CNTNAP5: variants seen among roughly 807,000 people sequenced by gnomAD.
The protein encoded by CNTNAP5 is contactin associated protein family member 5.
CNTNAP5 carries 72 observed loss-of-function variants against 150.2 expected under a neutral mutation model. The observed-to-expected ratio is 0.48, with a 90% CI of 0.40 to 0.58. The LOEUF (loss-of-function observed/expected upper bound fraction) is 0.58. CNTNAP5 is among the 20% of genes least tolerant of loss of function. The pLI, the probability that CNTNAP5 is intolerant of heterozygous loss-of-function variation, is 0.00. For synonymous variants in CNTNAP5, 672 were observed against 619.8 expected, an observed-to-expected ratio of 1.08 and a Z score of -1.25; for missense variants, 1,636 against 1,626.2, an observed-to-expected ratio of 1.01 and a Z score of -0.10.
intron 13 of CNTNAP5, among the ~76,000 whole-genome samples, chr2:124,734,920 A>T (rs1002641333): frequency 6.6e-6 from 1 of 152,202 alleles, no homozygotes; most frequent in Non-Finnish European, 1.5e-5. Flanking sequence ...TCTAAAATTT[A>T]GGTGTGTAAA....
chr2:124,440,602 G>C (rs1692649518), intron 5 of CNTNAP5, among the ~76,000 whole-genome samples: 1 of 152,106 alleles, frequency 6.6e-6, no homozygotes, highest in Non-Finnish European at 1.5e-5. Context: ...GGGGTGGAGG[G>C]AGGAGAATAA....
intron 1 of CNTNAP5, among the ~76,000 whole-genome samples, chr2:124,132,071 T>A (rs1393224709): frequency 6.6e-6 from 1 of 152,140 alleles, no homozygotes; most frequent in Non-Finnish European, 1.5e-5. Flanking sequence ...ATAAAGGATT[T>A]CACAGGCAGG....
intron 11 of CNTNAP5, among the ~76,000 whole-genome samples, chr2:124,571,527 C>CTTTTTTTT (rs1214169811): frequency 0.13 from 5,877 of 46,876 alleles, 1,158 homozygotes; most frequent in South Asian, 0.23. Flanking sequence ...TTTCTTTTTT[C>CTTTTTTTT]TTTTTTTTTT....
chr2:124,587,871 A>T (rs1696573324), intron 11 of CNTNAP5, among the ~76,000 whole-genome samples: 1 of 152,316 alleles, frequency 6.6e-6, no homozygotes, highest in African/African-American at 2.4e-5. Flanking sequence ...AAAAAAAAGT[A>T]AGATTACTAG....
intron 19 of CNTNAP5, among the ~76,000 whole-genome samples, chr2:124,826,032 T>A (rs925577966): frequency 2.0e-5 from 3 of 152,220 alleles, no homozygotes; most frequent in African/African-American, 7.2e-5. Context: ...CATTTTAGTA[T>A]GCTCTGTTTT....
intron 13 of CNTNAP5, among the ~76,000 whole-genome samples, chr2:124,702,309 TGAA>T (rs1285304313): frequency 7.0e-6 from 1 of 142,610 alleles, no homozygotes; most frequent in African/African-American, 2.6e-5. Flanking sequence ...TCATTTAAAA[TGAA>T]GAATTATGAT....
intron 19 of CNTNAP5, among the ~76,000 whole-genome samples, chr2:124,859,187 A>G (rs942417345): frequency 7.9e-5 from 12 of 152,310 alleles, no homozygotes; most frequent in Admixed American, 2.6e-4. Context: ...TCCAGAATCT[A>G]CAATGAACTC....
chr2:124,550,001 A>C (rs1695593955), intron 10 of CNTNAP5, among the ~76,000 whole-genome samples: 2 of 152,198 alleles, frequency 1.3e-5, no homozygotes, highest in Non-Finnish European at 2.9e-5. Flanking sequence ...ATAATACATG[A>C]CAGTGCAGTG....
At chr2:124,390,831 A>C (rs78117920) in intron 3 of CNTNAP5, among the ~76,000 whole-genome samples, 5,319 of 152,340 alleles carry the variant, frequency 0.035, 149 homozygotes, top group Non-Finnish European at 0.057. Flanking sequence ...TATAAAAACC[A>C]GGCTCAACAA....
chr2:124,142,619 C>A (rs1227336654), intron 1 of CNTNAP5, among the ~76,000 whole-genome samples: 1 of 135,500 alleles, frequency 7.4e-6, no homozygotes, highest in Non-Finnish European at 1.6e-5. Flanking sequence ...ATACCAGAAT[C>A]TCTGGGACGC....
At chr2:124,751,608 C>G (rs991571656) in intron 14 of CNTNAP5, among the ~76,000 whole-genome samples, 8 of 152,236 alleles carry the variant, frequency 5.3e-5, no homozygotes, top group African/African-American at 1.7e-4. Flanking sequence ...TGACAACTGA[C>G]TTTCCACACG....
intron 3 of CNTNAP5, among the ~76,000 whole-genome samples, chr2:124,408,004 G>A (rs1691622833): frequency 6.6e-6 from 1 of 152,200 alleles, no homozygotes; most frequent in South Asian, 2.1e-4. Context: ...GCCAGACAGT[G>A]GGCGCAGGTC....
chr2:124,716,072 A>G (rs1184569623), intron 13 of CNTNAP5, among the ~76,000 whole-genome samples: 2 of 152,100 alleles, frequency 1.3e-5, no homozygotes, highest in African/African-American at 4.8e-5. Flanking sequence ...TTACTTTTTT[A>G]TTTCTTAACT....
intron 1 of CNTNAP5, among the ~76,000 whole-genome samples, chr2:124,149,453 G>A (rs1238398754): frequency 7.0e-6 from 1 of 143,492 alleles, no homozygotes; most frequent in Non-Finnish European, 1.5e-5. Context: ...TTCATTCTGA[G>A]ATCAGTTGAA....
chr2:124,114,988 A>G (rs1683390061), intron 1 of CNTNAP5, among the ~76,000 whole-genome samples: 1 of 151,954 alleles, frequency 6.6e-6, no homozygotes, highest in African/African-American at 2.4e-5. Context: ...TAATTACTGT[A>G]TTTAGCTCTA....
chr2:124,694,616 G>A (rs1679367214), intron 13 of CNTNAP5, among the ~76,000 whole-genome samples: 1 of 152,030 alleles, frequency 6.6e-6, no homozygotes, highest in Non-Finnish European at 1.5e-5. Context: ...TAATAACAAG[G>A]TCTCCAAAAA....
In CNTNAP5 at chr2:124,510,273, C is replaced by CTATATCTATATATATATCTA. The variant is rs1553474633; in HGVS notation, c.1327+5728_1327+5729insATATATCTATATATCTATAT. Among the ~76,000 whole-genome samples, 19 of 33,916 alleles carry CTATATCTATATATATATCTA rather than the reference C, an allele frequency of 5.6e-4. No homozygotes were observed. The South Asian group carries it at 6.2e-3, about 11-fold the overall frequency. 22.3% of individuals were successfully genotyped at this position (33,916 alleles called of 152,430 possible). On this transcript the variant is annotated intron_variant, in intron 8 of 23. Transcript: ENST00000682447. ...TATCTATATCTATATATCTATATATCTATATCTATATCTATATATCTATAT... is the reference window on the plus strand; with the variant it reads ...TATCTATATCTATATATCTATATATCTATATCTATATATATATCTATATATCTATATCTATATATCTATAT...
chr2:124,499,577 C>T (rs912675509), intron 7 of CNTNAP5, among the ~76,000 whole-genome samples: 2 of 152,184 alleles, frequency 1.3e-5, no homozygotes, highest in East Asian at 1.9e-4. Flanking sequence ...GTGCCGATGA[C>T]GAGGGACACA....
intron 13 of CNTNAP5, among the ~76,000 whole-genome samples, chr2:124,716,191 C>T (rs547184171): frequency 1.2e-4 from 19 of 152,076 alleles, no homozygotes; most frequent in South Asian, 4.2e-4. Context: ...AAAAATGATT[C>T]GTGCAAAGTA....
Sources: allele counts gnomAD v4.1 joint callset (sites outside exome capture counted in the v4.1 genomes callset), GRCh38; gene constraint gnomAD v4.1.1; transcripts MANE v1.5; gene names NCBI Gene and HGNC (gene_info 2026-07-23, HGNC 2026-07-21).